Variants in CSMD3 observed in about 807,000 individuals in gnomAD.
CSMD3 encodes the protein CUB and sushi domain-containing protein 3.
In CSMD3, 177 loss-of-function variants were observed where a neutral mutation model predicts 435.2. The observed-to-expected ratio is 0.41, with a 90% CI of 0.36 to 0.46. The LOEUF (loss-of-function observed/expected upper bound fraction) is 0.46, where lower values mean the gene tolerates loss of function less well. CSMD3 is among the 20% of genes least tolerant of loss of function. The pLI is 0.34. For missense variants in CSMD3, 4,265 were observed against 4,504.6 expected (o/e 0.95, Z 1.52); for synonymous variants, 1,656 against 1,520.5 (o/e 1.09, Z -2.07).
At chr8:112,440,874 G>A (rs1814932323) in intron 32 of CSMD3, among the ~76,000 whole-genome samples, 1 of 152,156 alleles carries the variant, frequency 6.6e-6, no homozygotes, top group African/African-American at 2.4e-5. Flanking sequence ...CCTGGCCCAT[G>A]CAACCATTTT....
At chr8:112,786,473 G>A (rs998115065) in intron 13 of CSMD3, among the ~76,000 whole-genome samples, 6 of 151,758 alleles carry the variant, frequency 4.0e-5, no homozygotes, top group Non-Finnish European at 7.4e-5. Flanking sequence ...GCAGGGTGAA[G>A]AGAAAACACA....
chr8:113,339,822 T>C (rs1384966249), intron 1 of CSMD3, among the ~76,000 whole-genome samples: 1 of 152,012 alleles, frequency 6.6e-6, no homozygotes, highest in Admixed American at 6.6e-5. Flanking sequence ...TACTATATGG[T>C]CGTTATATGC....
intron 59 of CSMD3, among the ~76,000 whole-genome samples, chr8:112,268,859 A>G (rs572582357): frequency 6.6e-6 from 1 of 152,250 alleles, no homozygotes; most frequent in East Asian, 1.9e-4. Context: ...CCACATTCAA[A>G]AAGTTGGTTT....
At chr8:112,606,245 C>A (rs1832782593) in intron 22 of CSMD3, among the ~76,000 whole-genome samples, 1 of 152,166 alleles carries the variant, frequency 6.6e-6, no homozygotes, top group South Asian at 2.1e-4. Context: ...CATGATTTCT[C>A]CTACATGGAA....
At chr8:112,260,108 G>T (rs1016549241) in intron 61 of CSMD3, among the ~76,000 whole-genome samples, 1 of 152,018 alleles carries the variant, frequency 6.6e-6, no homozygotes, top group Admixed American at 6.5e-5. Flanking sequence ...AATTCATAAA[G>T]ACATAAACTT....
At position 112,313,999 on chromosome 8, in the gene CSMD3, C is replaced by T. The variant is rs1419845251; in HGVS notation, c.7603G>A (p.Ala2535Thr). The change falls in exon 49 of 71, where the codon GCT (alanine) becomes ACT (threonine). Residue 2535 changes from alanine (A) to threonine (T), a missense_variant. Coordinates refer to ENST00000297405, the MANE Select transcript of CSMD3 (RefSeq NM_198123.2). Reference protein sequence around the residue: ...LISLSGDYSSAFNITSNGHEV... With the variant: ...LISLSGDYSSTFNITSNGHEV... ...TGACCATTGCTTGTTATATTAAAAG[C>T]AGATGAATAATCCCCACTGAGGGAA... 5 of 1,610,550 alleles carry T rather than the reference C, an allele frequency of 3.1e-6. No homozygotes were observed. Among genetic ancestry groups the T allele is most frequent in the East Asian group, 4.5e-5 (2 of 44,706 alleles).
intron 42 of CSMD3, among the ~76,000 whole-genome samples, chr8:112,338,025 A>T (rs2130969710): frequency 6.6e-6 from 1 of 152,336 alleles, no homozygotes; most frequent in Non-Finnish European, 1.5e-5. Flanking sequence ...CTCTTCTTAA[A>T]GCTACAATTT....
chr8:112,327,492 C>T (rs1823619126), intron 45 of CSMD3, among the ~76,000 whole-genome samples: 1 of 152,140 alleles, frequency 6.6e-6, no homozygotes. Flanking sequence ...AACTTTAAAT[C>T]ATATGTACAT....
chr8:112,942,795 G>T (rs2083491817), intron 9 of CSMD3, among the ~76,000 whole-genome samples: 1 of 151,612 alleles, frequency 6.6e-6, no homozygotes, highest in Admixed American at 6.6e-5. Flanking sequence ...AAAATAATCT[G>T]TACACCTTTT....
chr8:112,379,006 G>T (rs138850774), intron 38 of CSMD3, among the ~76,000 whole-genome samples: 239 of 151,944 alleles, frequency 1.6e-3, no homozygotes, highest in African/African-American at 5.4e-3. Context: ...CAGTAAAGTT[G>T]CAAGATACAA....
At chr8:113,065,229 CA>C (rs1362920657) in intron 5 of CSMD3, among the ~76,000 whole-genome samples, 3 of 151,786 alleles carry the variant, frequency 2.0e-5, no homozygotes, top group African/African-American at 4.8e-5. Flanking sequence ...TAGGTTGTGA[CA>C]AAAAAATACA....
intron 22 of CSMD3, among the ~76,000 whole-genome samples, chr8:112,604,418 C>G (rs1449668775): frequency 3.3e-5 from 5 of 151,882 alleles, no homozygotes; most frequent in African/African-American, 9.7e-5. Context: ...CAGCGTGGTA[C>G]TGATATAAAA....
At chr8:112,527,852 A>G (rs1014610679) in intron 27 of CSMD3, among the ~76,000 whole-genome samples, 1 of 152,142 alleles carries the variant, frequency 6.6e-6, no homozygotes, top group African/African-American at 2.4e-5. Context: ...GTTACTGATT[A>G]TTTGAAGCAA....
intron 1 of CSMD3, among the ~76,000 whole-genome samples, chr8:113,365,077 G>T (rs1011190512): frequency 6.6e-6 from 1 of 151,942 alleles, no homozygotes; most frequent in Non-Finnish European, 1.5e-5. Context: ...GTGAAATGTT[G>T]AACTATAACA....
At chr8:112,350,901 T>A (rs1157783486) in intron 40 of CSMD3, among the ~76,000 whole-genome samples, 1 of 152,094 alleles carries the variant, frequency 6.6e-6, no homozygotes, top group South Asian at 2.1e-4. Flanking sequence ...AGAATTTTTT[T>A]AAGTCTTTTC....
intron 5 of CSMD3, among the ~76,000 whole-genome samples, chr8:113,074,094 C>G (rs1383645368): frequency 6.6e-6 from 1 of 151,680 alleles, no homozygotes; most frequent in Non-Finnish European, 1.5e-5. Context: ...CTAGATGACT[C>G]TTTAAGAAAT....
intron 13 of CSMD3, among the ~76,000 whole-genome samples, chr8:112,701,185 GCAAA>G (rs1257094209): frequency 6.6e-6 from 1 of 152,106 alleles, no homozygotes; most frequent in African/African-American, 2.4e-5. Flanking sequence ...GTGACGACTG[GCAAA>G]CAAATTGGTA....
At chr8:112,926,265 T>TGAGC (rs954008210) in intron 9 of CSMD3, among the ~76,000 whole-genome samples, 6,330 of 145,388 alleles carry the variant, frequency 0.044, 443 homozygotes, top group African/African-American at 0.15. Context: ...TGTGAGCGTG[T>TGAGC]GTGTGTTTGT....
chr8:113,043,459 C>A (rs1160564576), intron 5 of CSMD3, among the ~76,000 whole-genome samples: 2 of 152,064 alleles, frequency 1.3e-5, no homozygotes, highest in African/African-American at 2.4e-5. Flanking sequence ...CTGTGTTAAC[C>A]ACCCAACTTC....
Sources: gnomAD v4.1 joint callset for allele counts (sites outside exome capture counted in the v4.1 genomes callset) on GRCh38, gnomAD v4.1.1 for gene constraint, MANE v1.5 for transcripts, NCBI Gene and HGNC (gene_info 2026-07-23, HGNC 2026-07-21) for gene names.